The following ATP6V0D1 variants were observed in gnomAD, a reference collection of about 807,000 sequenced individuals.
ATP6V0D1 encodes the protein ATPase H+ transporting V0 subunit d1, also known as V-type proton ATPase subunit d 1.
A neutral mutation model predicts 39.0 loss-of-function variants in ATP6V0D1; 13 were observed. The observed-to-expected ratio is 0.33, with a 90% CI of 0.22 to 0.53. The LOEUF (loss-of-function observed/expected upper bound fraction) is 0.53. Among genes scored for constraint, ATP6V0D1 ranks in the 20% least tolerant of loss-of-function variants. The pLI, the probability that ATP6V0D1 is intolerant of heterozygous loss-of-function variation, is 0.94. For synonymous variants in ATP6V0D1, 191 were observed against 191.2 expected (o/e 1.00, Z 0.01); for missense variants, 272 against 470.9 (o/e 0.58, Z 3.91).
chr16:67,459,376 A>C, intron 1 of ATP6V0D1: 4 of 603,586 alleles, frequency 6.6e-6, no homozygotes, highest in South Asian at 7.3e-5. Context: ...TGGCTCCAGC[A>C]GGGGCAGCTG....
At chr16:67,460,311 C>A (rs1398337480) in intron 1 of ATP6V0D1, among the ~76,000 whole-genome samples, 3 of 150,478 alleles carry the variant, frequency 2.0e-5, no homozygotes, top group Non-Finnish European at 4.4e-5. Context: ...GGTGGCCCAA[C>A]AAAGCGAGAG....
rs1597577000 is a variant in ATP6V0D1 at position 67,456,338 on chromosome 16, T to C, written c.131-2623A>G. 1 of 152,282 alleles carries C rather than the reference T, an allele frequency of 6.6e-6. No individual in the cohort carries two copies. The highest frequency in any genetic ancestry group is 2.1e-4 in the South Asian group (1 of 4,824). The allele number at this position is 152,282 out of a possible 1,614,324, so 9.4% of individuals were successfully genotyped here. ...GGTTTATTTGTACAAAACTGAGAGA[T>C]TGTTAATGCCCCTGATGTGGTTTTT... is the stretch of plus-strand genomic sequence containing the variant. On this transcript the variant is annotated intron_variant, in intron 1 of 7. Transcript: ENST00000290949. The surrounding 1 kb of genome is among the most constrained non-coding windows in gnomAD (Gnocchi z 4.1).
At chr16:67,463,511 G>A (rs1416403820) in intron 1 of ATP6V0D1, among the ~76,000 whole-genome samples, 1 of 151,598 alleles carries the variant, frequency 6.6e-6, no homozygotes, top group Non-Finnish European at 1.5e-5. Context: ...GTGACAGAAT[G>A]AGACTCTTTC....
chr16:67,457,659 A>G (rs1454227117), intron 1 of ATP6V0D1: 3 of 1,288,686 alleles, frequency 2.3e-6, no homozygotes, highest in Non-Finnish European at 3.0e-6. Flanking sequence ...TTCCTAGAGA[A>G]GCCAGGAATG....
At chr16:67,446,805 C>T (rs2041121969) in intron 2 of ATP6V0D1, among the ~76,000 whole-genome samples, 1 of 152,164 alleles carries the variant, frequency 6.6e-6, no homozygotes, top group Non-Finnish European at 1.5e-5. Flanking sequence ...GCTCTCCCTC[C>T]CTTTCGGACG....
At chr16:67,463,485 C>G (rs1039552294) in intron 1 of ATP6V0D1, among the ~76,000 whole-genome samples, 2 of 150,848 alleles carry the variant, frequency 1.3e-5, no homozygotes, top group Non-Finnish European at 2.9e-5. Context: ...GTTCATGCCA[C>G]TGTCCTCCAG....
chr16:67,479,706 C>T (rs1567544543), intron 1 of ATP6V0D1, among the ~76,000 whole-genome samples: 1 of 152,242 alleles, frequency 6.6e-6, no homozygotes, highest in African/African-American at 2.4e-5. Flanking sequence ...GTGGGTGAAA[C>T]ATCTGGCCAT....
rs76356777 is a variant in ATP6V0D1 at position 67,453,794 on chromosome 16, C to T, written c.131-79G>A. ...TCCCAAGTCCCCATCCCCACCCCAA[C>T]TCAGCCCCAGCTCTCCCCTGCAGTT... On this transcript the variant is annotated intron_variant, in intron 1 of 7. Coordinates refer to ENST00000290949, the MANE Select transcript of ATP6V0D1 (RefSeq NM_004691.5). The surrounding 1 kb of genome is among the most constrained non-coding windows in gnomAD (Gnocchi z 4.1). The T allele has an allele frequency of 2.1e-6, 3 of 1,423,418 alleles. No homozygotes were observed. The highest frequency in any genetic ancestry group is 2.9e-6 in the Non-Finnish European group (3 of 1,031,880). The allele number at this position is 1,423,418 out of a possible 1,614,324, so 88.2% of individuals were successfully genotyped here.
At chr16:67,478,638 A>G (rs2041437032) in intron 1 of ATP6V0D1, among the ~76,000 whole-genome samples, 1 of 150,014 alleles carries the variant, frequency 6.7e-6, no homozygotes, top group African/African-American at 2.4e-5. Context: ...AAAAGAAAGA[A>G]AGAAAGAAAT....
intron 1 of ATP6V0D1, chr16:67,457,598 C>T: frequency 1.6e-6 from 2 of 1,289,622 alleles, no homozygotes; most frequent in Non-Finnish European, 2.0e-6. Context: ...TGTCACTGGA[C>T]TGTCATCACT....
Position 67,481,125 on chromosome 16 carries a change from G to A in ATP6V0D1, c.-39C>T, listed in dbSNP as rs775932610. ...GCGGCGGGACCGGAGAACCAGGACC[G>A]GCCGGCACGAATCGCGACTCCCCAG... On this transcript the variant is annotated 5_prime_UTR_variant, in exon 1 of 8. Transcript: ENST00000290949. 8 of 1,611,464 alleles carry A rather than the reference G, an allele frequency of 5.0e-6. No homozygotes were observed. Among genetic ancestry groups the A allele is most frequent in the Non-Finnish European group, 6.8e-6 (8 of 1,178,394 alleles).
intron 1 of ATP6V0D1, among the ~76,000 whole-genome samples, chr16:67,471,561 G>A (rs2041373270): frequency 1.3e-5 from 2 of 152,004 alleles, no homozygotes; most frequent in South Asian, 2.1e-4. Context: ...ATGAATTATT[G>A]TTAAATACAG....
At chr16:67,446,016 A>T in intron 2 of ATP6V0D1, 3 of 453,268 alleles carry the variant, frequency 6.6e-6, no homozygotes, top group South Asian at 4.7e-5. Context: ...TGGGCACTGA[A>T]CACGGGTCTT....
chr16:67,453,643 G>C lies in ATP6V0D1; in HGVS notation c.203C>G (p.Ser68Ter), dbSNP rs2041206508. Residue 68 changes from serine to a stop codon, truncating the protein, a stop_gained, in exon 2 of 8, where the codon TCA becomes TGA. Coordinates refer to ENST00000290949, the MANE Select transcript of ATP6V0D1 (RefSeq NM_004691.5). LOFTEE classifies it high-confidence loss of function. This position sits in a 1 kb window ranked among gnomAD's most constrained non-coding sequence, Gnocchi z 4.1. ...LANEASPLTV[S>*]VIDDRLKEKM... The stretch of plus-strand genomic sequence containing the variant: ...CTCCTTGAGCCGGTCATCGATGACT[G>C]ACACCGTCAGAGGTGATGCCTCGTT... The C allele has an allele frequency of 6.2e-7, 1 of 1,614,064 alleles. No individual in the cohort carries two copies. The highest frequency in any genetic ancestry group is 8.5e-7 in the Non-Finnish European group (1 of 1,180,046).
chr16:67,472,364 C>G lies in ATP6V0D1; in HGVS notation c.130+8593G>C, dbSNP rs187321796. ...CCTTCTATTATTGCCTTCTGCACAC[C>G]CTTCTCCCAATGCCCTCCCCCAGCC... On this transcript the variant is annotated intron_variant, in intron 1 of 7. Coordinates refer to ENST00000290949, the MANE Select transcript of ATP6V0D1 (RefSeq NM_004691.5). 3.1e-3 allele frequency among the ~76,000 whole-genome samples: 478 copies of G among 152,284 alleles called. 3 individuals carry two copies. The highest frequency in any genetic ancestry group is 0.011 in the African/African-American group (465 of 41,542).
At chr16:67,477,741 C>T (rs919331275) in intron 1 of ATP6V0D1, among the ~76,000 whole-genome samples, 3 of 151,946 alleles carry the variant, frequency 2.0e-5, no homozygotes, top group African/African-American at 7.3e-5. Flanking sequence ...GGCTCGATCT[C>T]GGCTCACTGC....
chr16:67,466,529 C>CA lies in ATP6V0D1; in HGVS notation c.131-12815dup, dbSNP rs1008928887. On this transcript the variant is annotated intron_variant, in intron 1 of 7. Transcript: ENST00000290949. Reference sequence around the variant, plus strand: ...GGGCAACAAGAATAAAACTCTGTCTCAAAAAAAAAAAAGAACAGAAGTTGG... The same window carrying CA: ...GGGCAACAAGAATAAAACTCTGTCTCAAAAAAAAAAAAAGAACAGAAGTTGG... 1.2e-3 allele frequency among the ~76,000 whole-genome samples: 149 copies of CA among 125,140 alleles called. 1 individual carries two copies. The highest frequency in any genetic ancestry group is 6.3e-3 in the Middle Eastern group (1 of 158). The allele number at this position is 125,140 out of a possible 152,430, so 82.1% of individuals were successfully genotyped here.
chr16:67,465,678 G>A (rs1051408503), intron 1 of ATP6V0D1, among the ~76,000 whole-genome samples: 1 of 152,242 alleles, frequency 6.6e-6, no homozygotes, highest in Non-Finnish European at 1.5e-5. Context: ...CCTGCACTGG[G>A]CACCAAGGCA....
chr16:67,439,264 A>G lies in ATP6V0D1; in HGVS notation c.639+10T>C, dbSNP rs1235092421. 1 of 1,614,072 alleles carries G rather than the reference A, an allele frequency of 6.2e-7. No homozygotes were observed. The highest frequency in any genetic ancestry group is 2.2e-5 in the East Asian group (1 of 44,866). On this transcript the variant is annotated intron_variant, in intron 5 of 7. Transcript: ENST00000290949. ...GGCACCAGCAGGCAGGAGGGCGGGC[A>G]GGCACTCACCTCCAGGATGGGGCAC...
Sources: allele counts gnomAD v4.1 joint callset (sites outside exome capture counted in the v4.1 genomes callset), GRCh38; gene constraint gnomAD v4.1.1; non-coding constraint Gnocchi (gnomAD v3.1); transcripts MANE v1.5; gene names NCBI Gene and HGNC (gene_info 2026-07-23, HGNC 2026-07-21).